RABEP1: variants seen among roughly 807,000 people sequenced by gnomAD.
RABEP1 encodes the protein rabaptin, RAB GTPase binding effector protein 1, also known as rab GTPase-binding effector protein 1.
A neutral mutation model predicts 123.4 loss-of-function variants in RABEP1; 51 were observed. That is an observed-to-expected ratio of 0.41 (90% CI 0.33 to 0.52). The LOEUF (loss-of-function observed/expected upper bound fraction) is 0.52. Among genes scored for constraint, RABEP1 ranks in the 20% least tolerant of loss-of-function variants. The pLI is 0.16. For missense variants in RABEP1, 888 were observed against 996.3 expected (o/e 0.89, Z 1.46); for synonymous variants, 347 against 355.2 (o/e 0.98, Z 0.26).
intron 13 of RABEP1, among the ~76,000 whole-genome samples, chr17:5,373,782 T>TC (rs1910743836): frequency 1.3e-5 from 2 of 149,494 alleles, no homozygotes; most frequent in African/African-American, 4.9e-5. Flanking sequence ...TTATTCCCCC[T>TC]CCTCCCCTAG....
intron 1 of RABEP1, among the ~76,000 whole-genome samples, chr17:5,298,576 G>C (rs1483900422): frequency 1.3e-5 from 2 of 151,872 alleles, no homozygotes; most frequent in African/African-American, 4.8e-5. Context: ...AAAAATATTA[G>C]TATGTAGAGT....
chr17:5,377,242 T>C lies in RABEP1; in HGVS notation c.2152T>C (p.Cys718Arg). 1 of 1,598,350 alleles carries C rather than the reference T, an allele frequency of 6.3e-7. No individual in the cohort carries two copies. Among genetic ancestry groups the C allele is most frequent in the Non-Finnish European group, 8.5e-7 (1 of 1,176,602 alleles). Residue 718 changes from cysteine (C) to arginine (R), a missense_variant, in exon 14 of 18, where the codon TGT (cysteine) becomes CGT (arginine). Physicochemically the swap from Cys to Arg is radical, Grantham distance 180. Transcript: ENST00000537505. ...AAAAGAGCAGATCCAAGCAGAACAG[T>C]GTTTAAAAGAAAATCTTGAAGAAAC... is the stretch of plus-strand genomic sequence containing the variant. Reference protein sequence around the residue: ...FLKEQIQAEQCLKENLEETLQ... With the variant: ...FLKEQIQAEQRLKENLEETLQ...
chr17:5,357,569 C>CT (rs1217234741), intron 8 of RABEP1, among the ~76,000 whole-genome samples: 1 of 152,040 alleles, frequency 6.6e-6, no homozygotes, highest in Non-Finnish European at 1.5e-5. Flanking sequence ...CAAGTCTTCA[C>CT]TATGTTGGCT....
At chr17:5,365,903 A>G (rs921634914) in intron 11 of RABEP1, among the ~76,000 whole-genome samples, 2 of 152,232 alleles carry the variant, frequency 1.3e-5, no homozygotes, top group African/African-American at 4.8e-5. Flanking sequence ...ATATACCGCA[A>G]TTTATCCAGA....
intron 2 of RABEP1, among the ~76,000 whole-genome samples, chr17:5,326,948 T>A (rs571335832): frequency 1.3e-5 from 2 of 152,394 alleles, no homozygotes; most frequent in South Asian, 4.1e-4. Context: ...ACTACACATG[T>A]AGGCTACATG....
In RABEP1 at chr17:5,383,517, C is replaced by G; in HGVS notation, c.*294C>G. 1 of 369,120 alleles carries G rather than the reference C, an allele frequency of 2.7e-6. No individual in the cohort carries two copies. The highest frequency in any genetic ancestry group is 4.1e-5 in the South Asian group (1 of 24,382). 22.9% of individuals were successfully genotyped at this position (369,120 alleles called of 1,614,324 possible). On this transcript the variant is annotated 3_prime_UTR_variant, in exon 18 of 18. Coordinates refer to ENST00000537505, the MANE Select transcript of RABEP1 (RefSeq NM_004703.6). ...AGCGCTGTTTCCTTGCCTGCTTTCT[C>G]CAAGACAGATTTTCGGAACACATTT...
Position 5,282,433 on chromosome 17 carries a change from C to T in RABEP1, c.-54C>T. ...CCTCCGCCAGCTGAGCCCGCGGGAG[C>T]CCAGGACGCCGCTTCCCCGCCCATC... On this transcript the variant is annotated 5_prime_UTR_variant, in exon 1 of 18. Coordinates refer to ENST00000537505, the MANE Select transcript of RABEP1 (RefSeq NM_004703.6). 1.5e-6 allele frequency: 2 copies of T among 1,297,070 alleles called. No individual in the cohort carries two copies. The highest frequency in any genetic ancestry group is 2.0e-6 in the Non-Finnish European group (2 of 993,186). The allele number at this position is 1,297,070 out of a possible 1,614,324, so 80.3% of individuals were successfully genotyped here. A position where few individuals can be genotyped will look rare whatever the true frequency, so the allele number is the denominator to read the frequency against.
intron 2 of RABEP1, among the ~76,000 whole-genome samples, chr17:5,322,361 GA>G (rs890384926): frequency 6.7e-5 from 10 of 150,264 alleles, no homozygotes; most frequent in African/African-American, 2.4e-4. Context: ...TGTCTCAAAA[GA>G]AAAAAAAGAA....
At chr17:5,311,472 G>C (rs1295774872) in intron 2 of RABEP1, among the ~76,000 whole-genome samples, 1 of 151,744 alleles carries the variant, frequency 6.6e-6, no homozygotes, top group South Asian at 2.1e-4. Context: ...CGAGGCAGGC[G>C]GATCACAAGG....
chr17:5,318,606 A>C (rs1289506411), intron 2 of RABEP1, among the ~76,000 whole-genome samples: 2 of 152,214 alleles, frequency 1.3e-5, no homozygotes, highest in African/African-American at 4.8e-5. Flanking sequence ...TCTATCTGCC[A>C]TTTAAGGAAG....
intron 7 of RABEP1, among the ~76,000 whole-genome samples, chr17:5,353,536 T>A (rs1426296838): frequency 6.6e-6 from 1 of 152,218 alleles, no homozygotes; most frequent in Non-Finnish European, 1.5e-5. Context: ...ATGTTTCTAA[T>A]GGATGTGTAA....
At chr17:5,377,879 A>G (rs947951413) in intron 14 of RABEP1, among the ~76,000 whole-genome samples, 1 of 152,144 alleles carries the variant, frequency 6.6e-6, no homozygotes, top group East Asian at 1.9e-4. Context: ...ATTCATAGAT[A>G]GGATTCTCAG....
intron 8 of RABEP1, among the ~76,000 whole-genome samples, chr17:5,355,939 A>C (rs114445993): frequency 6.6e-6 from 1 of 152,188 alleles, no homozygotes; most frequent in Non-Finnish European, 1.5e-5. Flanking sequence ...CAATGATTAC[A>C]TAGTGTTTTC....
At chr17:5,335,620 C>T (rs1354416222) in intron 4 of RABEP1, among the ~76,000 whole-genome samples, 1 of 152,180 alleles carries the variant, frequency 6.6e-6, no homozygotes, top group African/African-American at 2.4e-5. Flanking sequence ...TGCCACCTGT[C>T]ACTACTCTCC....
chr17:5,385,995 A>G lies in RABEP1; in HGVS notation c.*2772A>G. The G allele has an allele frequency of 2.0e-6, 1 of 502,660 alleles. No homozygotes were observed. Among genetic ancestry groups the G allele is most frequent in the Non-Finnish European group, 3.5e-6 (1 of 288,152 alleles). The allele number at this position is 502,660 out of a possible 1,614,324, so 31.1% of individuals were successfully genotyped here. A position where few individuals can be genotyped will look rare whatever the true frequency, so the allele number is the denominator to read the frequency against. Reference sequence around the variant, plus strand: ...TGAAATAATCCTGAGTCCTTGCTGAACACAACTGTAGGCTTGAGTTATAAA... The same window carrying G: ...TGAAATAATCCTGAGTCCTTGCTGAGCACAACTGTAGGCTTGAGTTATAAA... On this transcript the variant is annotated 3_prime_UTR_variant, in exon 18 of 18. Coordinates refer to ENST00000537505, the MANE Select transcript of RABEP1 (RefSeq NM_004703.6).
intron 5 of RABEP1, among the ~76,000 whole-genome samples, chr17:5,343,670 C>CTT (rs753410845): frequency 0.077 from 7,625 of 99,324 alleles, 420 homozygotes; most frequent in East Asian, 0.11. Flanking sequence ...TTTCTTTTCT[C>CTT]TTTTTTTTTT....
At chr17:5,299,726 T>TTTTC (rs2075118080) in intron 1 of RABEP1, among the ~76,000 whole-genome samples, 2 of 107,992 alleles carry the variant, frequency 1.9e-5, no homozygotes, top group Admixed American at 1.8e-4. Context: ...TTTCTTTTTC[T>TTTTC]TTTTCTTTTT....
chr17:5,363,712 G>A lies in RABEP1; in HGVS notation c.1668+696G>A, dbSNP rs180694748. The stretch of plus-strand genomic sequence containing the variant: ...CAGTAGAATAAAGGCTTAATGGAAT[G>A]TTATATTAATCAGAATTTGTGTCCT... On this transcript the variant is annotated intron_variant, in intron 10 of 17. Coordinates refer to ENST00000537505, the MANE Select transcript of RABEP1 (RefSeq NM_004703.6). 3.3e-5 allele frequency among the ~76,000 whole-genome samples: 5 copies of A among 152,282 alleles called. No homozygotes were observed. The East Asian group carries it at 9.7e-4, about 29-fold the overall frequency.
At chr17:5,358,565 T>C (rs1156284274) in intron 8 of RABEP1, among the ~76,000 whole-genome samples, 1 of 151,902 alleles carries the variant, frequency 6.6e-6, no homozygotes, top group Non-Finnish European at 1.5e-5. Context: ...AGCTACTCAC[T>C]GTGGCTGAGG....
Sources: allele counts gnomAD v4.1 joint callset (sites outside exome capture counted in the v4.1 genomes callset), GRCh38; gene constraint gnomAD v4.1.1; transcripts MANE v1.5; gene names NCBI Gene and HGNC (gene_info 2026-07-23, HGNC 2026-07-21).